ERICH3: variants seen among roughly 807,000 people sequenced by gnomAD.
The protein encoded by ERICH3 is glutamate rich 3.
In ERICH3, 126 loss-of-function variants were observed where a neutral mutation model predicts 131.1. The observed-to-expected ratio is 0.96, with a 90% CI of 0.83 to 1.11. The LOEUF (loss-of-function observed/expected upper bound fraction) is 1.11, where lower values mean the gene tolerates loss of function less well. Ranked by LOEUF, ERICH3 falls within the 50% of genes most tolerant of loss-of-function variation. The pLI, the probability that ERICH3 is intolerant of heterozygous loss-of-function variation, is 0.00. For synonymous variants in ERICH3, 695 were observed against 644.6 expected (o/e 1.08, Z -1.18); for missense variants, 2,050 against 1,810.7 (o/e 1.13, Z -2.40).
At chr1:74,613,879 A>AGAAAT (rs1364385800) in intron 8 of ERICH3, among the ~76,000 whole-genome samples, 1 of 152,194 alleles carries the variant, frequency 6.6e-6, no homozygotes, top group Non-Finnish European at 1.5e-5. Flanking sequence ...AGAAAAGAAA[A>AGAAAT]GAAATAGAGC....
At chr1:74,596,725 T>A (rs1457846009) in intron 11 of ERICH3, among the ~76,000 whole-genome samples, 1 of 152,032 alleles carries the variant, frequency 6.6e-6, no homozygotes, top group African/African-American at 2.4e-5. Context: ...TTTCAACTGG[T>A]GAATTAGTGC....
chr1:74,586,074 A>C lies in ERICH3; in HGVS notation c.2176+3557T>G, dbSNP rs375174640. 2.6e-5 allele frequency among the ~76,000 whole-genome samples: 4 copies of C among 152,056 alleles called. No individual in the cohort carries two copies. The South Asian group carries it at 6.2e-4, about 24-fold the overall frequency. On this transcript the variant is annotated intron_variant, in intron 12 of 14. Coordinates refer to ENST00000326665, the MANE Select transcript of ERICH3 (RefSeq NM_001002912.5). ...TATTTCCTGGCTTTCACAACCCTCA[A>C]ATTTTGTTCTTTTGTGGAAGATGAA...
In ERICH3 at chr1:74,589,912, G is replaced by A; in HGVS notation, c.1895C>T (p.Ser632Phe). 6.2e-7 allele frequency: 1 copy of A among 1,613,970 alleles called. No homozygotes were observed. Among genetic ancestry groups the A allele is most frequent in the Non-Finnish European group, 8.5e-7 (1 of 1,179,962 alleles). Residue 632 changes from serine to phenylalanine, a missense_variant, in exon 12 of 15, where the codon TCT becomes TTT. Transcript: ENST00000326665. ...ELSENDKPRK[S>F]HLPIEESLEI... is the part of the protein sequence containing the mutation. ...TAAGGATTCCTCAATTGGAAGGTGA[G>A]ACTTTCTTGGCTTATCATTTTCACT...
chr1:74,642,802 G>A (rs1320240581), intron 4 of ERICH3, among the ~76,000 whole-genome samples: 2 of 152,026 alleles, frequency 1.3e-5, no homozygotes, highest in Non-Finnish European at 2.9e-5. Flanking sequence ...GTCTTTGAAA[G>A]GTTTGTGCCT....
chr1:74,604,176 C>G (rs1648277642), intron 10 of ERICH3, among the ~76,000 whole-genome samples: 1 of 151,864 alleles, frequency 6.6e-6, no homozygotes, highest in African/African-American at 2.4e-5. Context: ...CAGGAAACTT[C>G]TTTCTCTGTT....
intron 5 of ERICH3, among the ~76,000 whole-genome samples, chr1:74,639,676 G>T (rs1278715973): frequency 6.6e-6 from 1 of 152,130 alleles, no homozygotes; most frequent in Admixed American, 6.5e-5. Flanking sequence ...AGAATTAGCT[G>T]AAATGATTTT....
intron 11 of ERICH3, among the ~76,000 whole-genome samples, chr1:74,598,093 C>T (rs1255020087): frequency 6.6e-6 from 1 of 151,910 alleles, no homozygotes; most frequent in Admixed American, 6.6e-5. Flanking sequence ...AGTCTACCTA[C>T]TGCTGTTTTC....
Position 74,570,090 on chromosome 1 carries a change from A to G in ERICH3, c.*368T>C, listed in dbSNP as rs1046076793. ...TGTATTGTAAAATAAAAAGGACTTT[A>G]AACAAACCCCTAACATTAGGACTGG... is the stretch of plus-strand genomic sequence containing the variant. On this transcript the variant is annotated 3_prime_UTR_variant, in exon 15 of 15. Transcript: ENST00000326665. The G allele has an allele frequency of 5.9e-5, 9 of 152,222 alleles. No homozygotes were observed. Among genetic ancestry groups the G allele is most frequent in the African/African-American group, 2.2e-4 (9 of 41,462 alleles). 9.4% of individuals were successfully genotyped at this position (152,222 alleles called of 1,614,324 possible). A position where few individuals can be genotyped will look rare whatever the true frequency, so the allele number is the denominator to read the frequency against.
At chr1:74,594,595 A>T (rs867983900) in intron 11 of ERICH3, among the ~76,000 whole-genome samples, 2 of 151,932 alleles carry the variant, frequency 1.3e-5, no homozygotes, top group African/African-American at 4.8e-5. Context: ...TATAATACAC[A>T]CTCAAAACAG....
chr1:74,653,197 G>T (rs1032073455), intron 1 of ERICH3, among the ~76,000 whole-genome samples: 1 of 152,128 alleles, frequency 6.6e-6, no homozygotes, highest in Non-Finnish European at 1.5e-5. Flanking sequence ...AAAAATCCCA[G>T]CTAAAAGGAA....
chr1:74,665,863 C>A (rs1403535329), intron 1 of ERICH3, among the ~76,000 whole-genome samples: 1 of 152,064 alleles, frequency 6.6e-6, no homozygotes, highest in African/African-American at 2.4e-5. Context: ...GAGGGGGAGG[C>A]AGACAGAAGG....
intron 12 of ERICH3, among the ~76,000 whole-genome samples, chr1:74,584,849 C>T (rs1042911172): frequency 5.9e-5 from 9 of 152,186 alleles, no homozygotes; most frequent in Non-Finnish European, 1.2e-4. Context: ...AGAACAACCA[C>T]ATGCTTCCAC....
In ERICH3 at chr1:74,585,457, C is replaced by A. The variant is rs192348765; in HGVS notation, c.2176+4174G>T. 5.9e-5 allele frequency among the ~76,000 whole-genome samples: 9 copies of A among 152,176 alleles called. No homozygotes were observed. In the East Asian group the frequency reaches 1.7e-3, roughly 29 times the overall value. On this transcript the variant is annotated intron_variant, in intron 12 of 14. Transcript: ENST00000326665. ...GAAAATATCATTTTATGCAATCAAC[C>A]TAAAAGGTATGAAGGCAATGGCTGT... is the stretch of plus-strand genomic sequence containing the variant.
intron 8 of ERICH3, among the ~76,000 whole-genome samples, chr1:74,614,386 A>AAT (rs540185034): frequency 0.022 from 3,346 of 151,218 alleles, 41 homozygotes; most frequent in Middle Eastern, 0.066. Flanking sequence ...AAAAAAAAAA[A>AAT]AAACTCGGCC....
At chr1:74,605,099 T>A (rs1648322713) in intron 10 of ERICH3, among the ~76,000 whole-genome samples, 1 of 152,014 alleles carries the variant, frequency 6.6e-6, no homozygotes, top group South Asian at 2.1e-4. Flanking sequence ...AGCTCCTACA[T>A]AAGCACTTGC....
At chr1:74,622,354 A>G (rs1289353975) in intron 7 of ERICH3, 1 of 152,248 alleles carries the variant, frequency 6.6e-6, no homozygotes, top group Non-Finnish European at 1.5e-5. Context: ...ATCAAGAGCC[A>G]TGAAAGTAAA....
Position 74,606,885 on chromosome 1 carries a change from C to T in ERICH3, c.1205G>A (p.Gly402Asp), listed in dbSNP as rs776423869. 3 of 1,611,522 alleles carry T rather than the reference C, an allele frequency of 1.9e-6. No homozygotes were observed. The African/African-American group carries it at 4.0e-5, about 22-fold the overall frequency. The part of the protein sequence containing the change: ...SPCYKCIIAM[G>D]LDKKPSLPKS... ...CGGCAAAGACGGTTTTTTGTCAAGG[C>T]CCATTGCAATAATGCACCTATGAAA... Residue 402 changes from glycine to aspartate, a missense_variant, in exon 10 of 15, where the codon GGC becomes GAC. Physicochemically the swap from Gly to Asp is moderately conservative, Grantham distance 94. Coordinates refer to ENST00000326665, the MANE Select transcript of ERICH3 (RefSeq NM_001002912.5).
chr1:74,590,032 C>G lies in ERICH3; in HGVS notation c.1775G>C (p.Ser592Thr), dbSNP rs776813456. 2.5e-6 allele frequency: 4 copies of G among 1,613,686 alleles called. No individual in the cohort carries two copies. In the South Asian group the frequency reaches 4.4e-5, roughly 18 times the overall value. ...CACTGCAGATTCATCCTCACTGTCA[C>G]TAGAATAAGGGTGACTTCTGGATGA... ...STSSRSHPYS[S>T]DSEDESAVGD... Residue 592 changes from serine to threonine, a missense_variant, in exon 12 of 15, where the codon AGT (serine) becomes ACT (threonine). By Grantham distance (58) the Ser-to-Thr change is moderately conservative. Transcript: ENST00000326665.
intron 8 of ERICH3, among the ~76,000 whole-genome samples, chr1:74,613,024 A>G (rs763292126): frequency 1.3e-5 from 2 of 152,154 alleles, no homozygotes; most frequent in Non-Finnish European, 2.9e-5. Context: ...CTAAAAACAA[A>G]AAAAAAAGTT....
Sources: gnomAD v4.1 joint callset for allele counts (sites outside exome capture counted in the v4.1 genomes callset) on GRCh38, gnomAD v4.1.1 for gene constraint, MANE v1.5 for transcripts, NCBI Gene and HGNC (gene_info 2026-07-23, HGNC 2026-07-21) for gene names.